Variants in NPAS3 observed in about 807,000 individuals in gnomAD.
The protein encoded by NPAS3 is neuronal PAS domain-containing protein 3.
NPAS3 carries 14 observed loss-of-function variants against 73.1 expected under a neutral mutation model. That is an observed-to-expected ratio of 0.19 (90% CI 0.13 to 0.30). NPAS3 has a LOEUF of 0.30. Ranked by LOEUF, NPAS3 falls within the 10% of genes least tolerant of loss-of-function variation. The pLI is 1.00. For synonymous variants in NPAS3, 620 were observed against 541.5 expected (o/e 1.14, Z -2.01); for missense variants, 1,096 against 1,250.0 (o/e 0.88, Z 1.86).
At chr14:33,797,347 A>C in intron 10 of NPAS3, 110 bp from the exon 11 acceptor site, 32 of 1,218,412 alleles carry the variant, frequency 2.6e-5, no homozygotes, top group Non-Finnish European at 3.7e-5. Flanking sequence ...TTAGTCTTTG[A>C]AACTTTCTAA....
chr14:33,499,011 A>G (rs1313789463), intron 4 of NPAS3, among the ~76,000 whole-genome samples: 1 of 148,530 alleles, frequency 6.7e-6, no homozygotes, highest in Non-Finnish European at 1.5e-5. Flanking sequence ...GGGTGTATAG[A>G]CCTATAGATG....
intron 1 of NPAS3, among the ~76,000 whole-genome samples, chr14:33,016,472 A>G (rs2039397049): frequency 1.3e-5 from 2 of 152,140 alleles, no homozygotes; most frequent in Non-Finnish European, 2.9e-5. Flanking sequence ...GGGAGGCTCT[A>G]ATAATAAAAT....
At chr14:33,077,794 C>CTTT (rs2041715836) in intron 2 of NPAS3, among the ~76,000 whole-genome samples, 1 of 20,760 alleles carries the variant, frequency 4.8e-5, no homozygotes, top group Admixed American at 4.3e-4. Context: ...TTTTTTGCCC[C>CTTT]TTTTGGCTTC....
At position 33,604,831 on chromosome 14, in the gene NPAS3, C is replaced by G. The variant is rs571071965; in HGVS notation, c.558+44621C>G. On this transcript the variant is annotated intron_variant, in intron 5 of 11. Coordinates refer to ENST00000356141, the Ensembl canonical transcript of NPAS3. ...TAGAAAAGCTTCAAATATGTGGAAG[C>G]TAAATAACACAATCCAAAATTACTC... Among the ~76,000 whole-genome samples, 4 of 151,862 alleles carry G rather than the reference C, an allele frequency of 2.6e-5. No homozygotes were observed. The South Asian group carries it at 8.3e-4, about 32-fold the overall frequency.
chr14:33,495,199 G>T (rs139617163), intron 4 of NPAS3, among the ~76,000 whole-genome samples: 9 of 152,154 alleles, frequency 5.9e-5, no homozygotes, highest in African/African-American at 1.9e-4. Context: ...TGGTTTCAAA[G>T]AACTTCTTTA....
intron 1 of NPAS3, among the ~76,000 whole-genome samples, chr14:32,952,512 C>T (rs1390319205): frequency 6.6e-6 from 1 of 152,018 alleles, no homozygotes; most frequent in Non-Finnish European, 1.5e-5. Context: ...GCTTGTCTCC[C>T]ATACCACGCA....
intron 2 of NPAS3, among the ~76,000 whole-genome samples, chr14:33,146,452 C>T (rs965578008): frequency 3.2e-4 from 48 of 152,242 alleles, no homozygotes; most frequent in African/African-American, 8.7e-4. Context: ...GCACTTGGCA[C>T]GTGATAGCAC....
chr14:33,732,490 T>C (rs2061425371), intron 6 of NPAS3, among the ~76,000 whole-genome samples: 1 of 152,172 alleles, frequency 6.6e-6, no homozygotes, highest in African/African-American at 2.4e-5. Context: ...ATGGCCATGG[T>C]GTGTGAGCTA....
At chr14:32,937,377 T>C (rs2035730298), upstream of NPAS3, among the ~76,000 whole-genome samples, 1 of 151,782 alleles carries the variant, frequency 6.6e-6, no homozygotes, top group Non-Finnish European at 1.5e-5. Flanking sequence ...AAGCAAAGAG[T>C]GGCCTCTTGG....
At chr14:32,956,869 A>G (rs2036691545) in intron 1 of NPAS3, among the ~76,000 whole-genome samples, 1 of 152,208 alleles carries the variant, frequency 6.6e-6, no homozygotes, top group Non-Finnish European at 1.5e-5. Flanking sequence ...CACACTGTGA[A>G]ACTTTGGACA....
At chr14:33,690,115 T>C (rs916910352) in intron 6 of NPAS3, among the ~76,000 whole-genome samples, 2 of 152,210 alleles carry the variant, frequency 1.3e-5, no homozygotes, top group Admixed American at 1.3e-4. Flanking sequence ...CAAGCCAGAA[T>C]TGGACATTGG....
At chr14:33,377,454 G>T (rs542169980) in intron 4 of NPAS3, among the ~76,000 whole-genome samples, 2 of 152,212 alleles carry the variant, frequency 1.3e-5, no homozygotes, top group Admixed American at 6.5e-5. Flanking sequence ...CTGGTGAAAC[G>T]GTTTAATGCA....
intron 2 of NPAS3, among the ~76,000 whole-genome samples, chr14:33,071,330 A>G (rs1360277674): frequency 1.3e-5 from 2 of 152,238 alleles, no homozygotes; most frequent in Non-Finnish European, 2.9e-5. Flanking sequence ...ATAAAAAGGC[A>G]CAGATAAAAC....
chr14:33,010,205 T>C (rs542962708), intron 1 of NPAS3, among the ~76,000 whole-genome samples: 2 of 152,230 alleles, frequency 1.3e-5, no homozygotes, highest in Non-Finnish European at 2.9e-5. Flanking sequence ...AAGGAGATGT[T>C]GTATAGTTAG....
intron 2 of NPAS3, among the ~76,000 whole-genome samples, chr14:33,068,804 A>G (rs535711852): frequency 4.6e-5 from 7 of 152,292 alleles, no homozygotes; most frequent in African/African-American, 1.7e-4. Flanking sequence ...CATTCCAGGT[A>G]GAATGGACAA....
At chr14:33,720,299 T>C (rs1373413411) in intron 6 of NPAS3, among the ~76,000 whole-genome samples, 1 of 152,152 alleles carries the variant, frequency 6.6e-6, no homozygotes, top group Non-Finnish European at 1.5e-5. Flanking sequence ...ACTGCGGTGA[T>C]CAGCAATGGG....
intron 3 of NPAS3, among the ~76,000 whole-genome samples, chr14:33,220,481 A>G (rs1243000444): frequency 4.6e-5 from 7 of 152,214 alleles, no homozygotes; most frequent in Non-Finnish European, 1.0e-4. Flanking sequence ...TAATGAAGTT[A>G]TGACTTCATT....
At chr14:33,390,945 G>A (rs951852928) in intron 4 of NPAS3, among the ~76,000 whole-genome samples, 6 of 151,720 alleles carry the variant, frequency 4.0e-5, no homozygotes, top group African/African-American at 1.5e-4. Flanking sequence ...AATTAATAAG[G>A]CATGCTGTGT....
In NPAS3 at chr14:33,793,885, T is replaced by C. The variant is rs757810611; in HGVS notation, c.1154-12T>C. On this transcript the variant is annotated splice_polypyrimidine_tract_variant and intron_variant, in intron 9 of 11. Transcript: ENST00000356141. ...CTTAATACAATGCCTCTGTTTTGTT[T>C]TTTTTCGCCAGTGCTGAATAAGGGT... 6 of 1,605,752 alleles carry C rather than the reference T, an allele frequency of 3.7e-6. No homozygotes were observed. In the Admixed American group the frequency reaches 8.5e-5, roughly 23 times the overall value.
Sources: allele counts gnomAD v4.1 joint callset (sites outside exome capture counted in the v4.1 genomes callset), GRCh38; gene constraint gnomAD v4.1.1; transcripts MANE v1.5; gene names NCBI Gene and HGNC (gene_info 2026-07-23, HGNC 2026-07-21).